OR11G2: variants seen among roughly 807,000 people sequenced by gnomAD.
The protein encoded by OR11G2 is olfactory receptor 11G2.
In OR11G2, 2 loss-of-function variants were observed where a neutral mutation model predicts 0.9. The ratio of observed to expected loss-of-function variants is 2.35; its 90% confidence interval spans 0.96 to 7.38. The LOEUF (loss-of-function observed/expected upper bound fraction) is 7.38, where lower values mean the gene tolerates loss of function less well. Ranked by LOEUF, OR11G2 falls within the 30% of genes most tolerant of loss-of-function variation. The pLI, the probability that OR11G2 is intolerant of heterozygous loss-of-function variation, is 0.05. For synonymous variants in OR11G2, 153 were observed against 142.0 expected (o/e 1.08, Z -0.55); for missense variants, 395 against 371.3 (o/e 1.06, Z -0.52).
rs1879881020 is a variant in OR11G2, at chr14:20,200,507, A to G, written c.*2134A>G. 1 of 152,240 alleles carries G rather than the reference A, an allele frequency of 6.6e-6. No homozygotes were observed. The highest frequency in any genetic ancestry group is 2.1e-4 in the South Asian group (1 of 4,838). The allele number at this position is 152,240 out of a possible 1,614,324, so 9.4% of individuals were successfully genotyped here. A position where few individuals can be genotyped will look rare whatever the true frequency, so the allele number is the denominator to read the frequency against. On this transcript the variant is annotated 3_prime_UTR_variant, in exon 2 of 2. Coordinates refer to ENST00000641879, the MANE Select transcript of OR11G2 (RefSeq NM_001386033.1). ...TTGACAAAGATCAAGAAGTTTGATT[A>G]CACATTGCGTGTCTGAGGATTGTGA...
At position 20,197,717 on chromosome 14, in the gene OR11G2, A is replaced by G; in HGVS notation, c.280A>G (p.Lys94Glu). 6.2e-7 allele frequency: 1 copy of G among 1,613,908 alleles called. No individual in the cohort carries two copies. The highest frequency in any genetic ancestry group is 8.5e-7 in the Non-Finnish European group (1 of 1,179,908). Reference protein sequence around the residue: ...SMLANFLSDTKIISFSGCFLQ... With the variant: ...SMLANFLSDTEIISFSGCFLQ... ...GCTGGCCAACTTCCTCTCTGACACC[A>G]AGATCATCTCGTTCTCTGGCTGCTT... Residue 94 changes from lysine (K) to glutamate (E), a missense_variant, in exon 2 of 2, where the codon AAG becomes GAG. Physicochemically the swap from Lys to Glu is moderately conservative, Grantham distance 56. Coordinates refer to ENST00000641879, the MANE Select transcript of OR11G2 (RefSeq NM_001386033.1).
intron 1 of OR11G2, among the ~76,000 whole-genome samples, chr14:20,192,054 G>A (rs979941473): frequency 6.6e-6 from 1 of 151,942 alleles, no homozygotes; most frequent in African/African-American, 2.4e-5. Context: ...GACCATACCC[G>A]GCTAATTTTT....
intron 1 of OR11G2, among the ~76,000 whole-genome samples, chr14:20,193,134 T>A (rs773264636): frequency 1.4e-4 from 22 of 152,174 alleles, no homozygotes; most frequent in Non-Finnish European, 1.3e-4. Flanking sequence ...GGGGGTTGTA[T>A]TGAGGCAGAG....
intron 1 of OR11G2, among the ~76,000 whole-genome samples, chr14:20,194,937 T>C (rs567284739): frequency 1.3e-5 from 2 of 152,298 alleles, no homozygotes; most frequent in Admixed American, 1.3e-4. Context: ...CCGTCCACTG[T>C]CTGCTTTGAG....
At position 20,198,302 on chromosome 14, in the gene OR11G2, C is replaced by CT. The variant is rs1451999176; in HGVS notation, c.867dup (p.Asn290Ter). On this transcript the variant is annotated frameshift_variant, in exon 2 of 2. Coordinates refer to ENST00000641879, the MANE Select transcript of OR11G2 (RefSeq NM_001386033.1). LOFTEE classifies it high-confidence loss of function. Reference sequence around the variant, plus strand: ...GTTTTATTCTGTTGTTACCCCACTGCTTAACCCTGTGATATATAGTCTTAG... The same window carrying CT: ...GTTTTATTCTGTTGTTACCCCACTGCTTTAACCCTGTGATATATAGTCTTAG... 6.2e-7 allele frequency: 1 copy of CT among 1,612,600 alleles called. No individual in the cohort carries two copies. Among genetic ancestry groups the CT allele is most frequent in the Non-Finnish European group, 8.5e-7 (1 of 1,179,384 alleles).
intron 1 of OR11G2, among the ~76,000 whole-genome samples, chr14:20,193,341 C>T (rs888966115): frequency 6.6e-6 from 1 of 152,110 alleles, no homozygotes; most frequent in East Asian, 1.9e-4. Flanking sequence ...AGGCTGGTCT[C>T]GAACTCCTGA....
Position 20,197,315 on chromosome 14 carries a change from T to C in OR11G2, c.-4-119T>C, listed in dbSNP as rs11852005. On this transcript the variant is annotated intron_variant, in intron 1 of 1. Transcript: ENST00000641879. ...CTGCATTCTGTTTTTTACTTTTTAC[T>C]TTTATTTCAATAGTAAATTTATGCA... 3.8e-3 allele frequency: 5,174 copies of C among 1,352,654 alleles called. 154 individuals carry two copies. The African/African-American group carries it at 0.066, about 17-fold the overall frequency. The allele number at this position is 1,352,654 out of a possible 1,614,324, so 83.8% of individuals were successfully genotyped here. A position where few individuals can be genotyped will look rare whatever the true frequency, so the allele number is the denominator to read the frequency against.
chr14:20,197,141 A>G (rs1879767694), intron 1 of OR11G2, among the ~76,000 whole-genome samples: 2 of 152,324 alleles, frequency 1.3e-5, no homozygotes, highest in East Asian at 1.9e-4. Flanking sequence ...GAAAATTATA[A>G]TGGCTTTACA....
intron 1 of OR11G2, among the ~76,000 whole-genome samples, chr14:20,193,385 A>C (rs1208348603): frequency 6.6e-6 from 1 of 152,076 alleles, no homozygotes; most frequent in African/African-American, 2.4e-5. Flanking sequence ...GCCTCCTAAA[A>C]CACAGGGGTT....
rs1292461859 is a variant in OR11G2, at chr14:20,200,026, C to G, written c.*1653C>G. On this transcript the variant is annotated 3_prime_UTR_variant, in exon 2 of 2. Coordinates refer to ENST00000641879, the MANE Select transcript of OR11G2 (RefSeq NM_001386033.1). ...CTTGGGCTAGTTCTCCTTGAACTTTCCCCTAGGCCTGGAGTGAAAGGTCAT... is the reference window on the plus strand; with the variant it reads ...CTTGGGCTAGTTCTCCTTGAACTTTGCCCTAGGCCTGGAGTGAAAGGTCAT... The G allele has an allele frequency of 6.6e-6, 1 of 151,976 alleles. No individual in the cohort carries two copies. Among genetic ancestry groups the G allele is most frequent in the East Asian group, 1.9e-4 (1 of 5,186 alleles). The allele number at this position is 151,976 out of a possible 1,614,324, so 9.4% of individuals were successfully genotyped here.
intron 1 of OR11G2, among the ~76,000 whole-genome samples, chr14:20,194,438 A>G (rs1879712805): frequency 6.6e-6 from 1 of 152,210 alleles, no homozygotes. Flanking sequence ...ATGAGATGTG[A>G]GGGTAGAGGA....
chr14:20,193,600 T>C lies in OR11G2; in HGVS notation c.-5+1934T>C, dbSNP rs1184680662. Reference sequence around the variant, plus strand: ...AACAATAGATTTTACATTTTTAATATGTTTAAAAATTGATAGAAAATGAGA... The same window carrying C: ...AACAATAGATTTTACATTTTTAATACGTTTAAAAATTGATAGAAAATGAGA... On this transcript the variant is annotated intron_variant, in intron 1 of 1. Transcript: ENST00000641879. 3.3e-5 allele frequency among the ~76,000 whole-genome samples: 5 copies of C among 152,346 alleles called. No individual in the cohort carries two copies. In the South Asian group the frequency reaches 1.0e-3, roughly 32 times the overall value.
In OR11G2 at chr14:20,197,737, C is replaced by T. The variant is rs915819617; in HGVS notation, c.300C>T (p.Gly100=). Residue 100 remains glycine, a synonymous_variant, in exon 2 of 2, where the codon GGC becomes GGT. Transcript: ENST00000641879. ...LSDTKIISFS[G]CFLQFYFFFS... The stretch of plus-strand genomic sequence containing the variant: ...ACACCAAGATCATCTCGTTCTCTGG[C>T]TGCTTCCTCCAGTTCTACTTTTTCT... 1 of 1,613,770 alleles carries T rather than the reference C, an allele frequency of 6.2e-7. No homozygotes were observed. The highest frequency in any genetic ancestry group is 1.3e-5 in the African/African-American group (1 of 74,718).
rs138212036 is a variant in OR11G2 at position 20,197,638 on chromosome 14, C to T, written c.201C>T (p.Leu67=). ...QRLHAPMYIL[L]ANFSFLEICY... ...TCCACGCCCCCATGTACATCCTGCTCGCCAACTTCTCCTTCTTGGAGATAT... is the reference window on the plus strand; with the variant it reads ...TCCACGCCCCCATGTACATCCTGCTTGCCAACTTCTCCTTCTTGGAGATAT... Residue 67 remains leucine, a synonymous_variant, in exon 2 of 2, where the codon CTC becomes CTT. Transcript: ENST00000641879. 9.9e-6 allele frequency: 16 copies of T among 1,614,024 alleles called. No individual in the cohort carries two copies. The highest frequency in any genetic ancestry group is 1.3e-5 in the African/African-American group (1 of 74,926).
At chr14:20,192,046 C>A (rs969757384) in intron 1 of OR11G2, among the ~76,000 whole-genome samples, 1 of 152,060 alleles carries the variant, frequency 6.6e-6, no homozygotes, top group African/African-American at 2.4e-5. Flanking sequence ...GCACATATGA[C>A]CATACCCGGC....
Position 20,195,746 on chromosome 14 carries a change from G to T in OR11G2, c.-4-1688G>T, listed in dbSNP as rs537115758. Among the ~76,000 whole-genome samples, 11 of 152,336 alleles carry T rather than the reference G, an allele frequency of 7.2e-5. 1 individual carries two copies. The South Asian group carries it at 2.3e-3, about 32-fold the overall frequency. The stretch of plus-strand genomic sequence containing the variant: ...TTCTGCTAAGAAATTAGTAGACTCT[G>T]CAGGGGAGGAAAAAATTTTTTTTCT... On this transcript the variant is annotated intron_variant, in intron 1 of 1. Transcript: ENST00000641879.
intron 1 of OR11G2, among the ~76,000 whole-genome samples, chr14:20,194,463 T>C (rs1879713471): frequency 6.6e-6 from 1 of 152,174 alleles, no homozygotes; most frequent in Admixed American, 6.5e-5. Context: ...AAGGAGATAC[T>C]ACATTGAAAT....
At position 20,192,331 on chromosome 14, in the gene OR11G2, C is replaced by A. The variant is rs571964649; in HGVS notation, c.-5+665C>A. Among the ~76,000 whole-genome samples, 18 of 152,212 alleles carry A rather than the reference C, an allele frequency of 1.2e-4. 1 individual carries two copies. In the South Asian group the frequency reaches 3.5e-3, roughly 30 times the overall value. ...AAAAGGAATCAAAAATCATATAATC[C>A]AACTCCCATTTCATATAAAGAAAAT... On this transcript the variant is annotated intron_variant, in intron 1 of 1. Transcript: ENST00000641879.
intron 1 of OR11G2, among the ~76,000 whole-genome samples, chr14:20,196,324 T>G (rs1007982303): frequency 3.3e-5 from 5 of 152,212 alleles, no homozygotes; most frequent in African/African-American, 1.2e-4. Flanking sequence ...TCTGCTACCT[T>G]AAAACTTCCT....
Sources: allele counts gnomAD v4.1 joint callset (sites outside exome capture counted in the v4.1 genomes callset), GRCh38; gene constraint gnomAD v4.1.1; transcripts MANE v1.5; gene names NCBI Gene and HGNC (gene_info 2026-07-23, HGNC 2026-07-21).